The following USP11 variants were observed in gnomAD, a reference collection of about 807,000 sequenced individuals.
USP11 encodes ubiquitin specific peptidase 11, also known as ubiquitin carboxyl-terminal hydrolase 11.
A neutral mutation model predicts 72.8 loss-of-function variants in USP11; 5 were observed. The observed-to-expected ratio is 0.07, with a 90% CI of 0.04 to 0.14. USP11 has a LOEUF of 0.14. Among genes scored for constraint, USP11 ranks in the 10% least tolerant of loss-of-function variants. The pLI, the probability that USP11 is intolerant of heterozygous loss-of-function variation, is 1.00. For missense variants in USP11, 480 were observed against 794.7 expected (o/e 0.60, Z 4.76); for synonymous variants, 368 against 326.5 (o/e 1.13, Z -1.37).
At chrX:47,243,998 C>T (rs1352467396) in intron 13 of USP11, among the ~76,000 whole-genome samples, 2 of 111,018 alleles carry the variant, frequency 1.8e-5, no homozygotes, top group Non-Finnish European at 3.8e-5. Flanking sequence ...ATTTTGCATT[C>T]AAAAGTCATT....
At chrX:47,239,711 G>A in intron 3 of USP11, 79 bp from the exon 4 acceptor site, 1 of 1,052,463 alleles carries the variant, frequency 9.5e-7, no homozygotes. Context: ...AAGGCAGAGT[G>A]TGTGCTCCTC....
rs2147350755 is a variant in USP11, at chrX:47,239,473, G to C, written c.409G>C (p.Glu137Gln). ...YGLEHGQPPI[E>Q]RKVIELPNIQ... ...TCTAGAGCATGGCCAGCCACCCATTGAACGCAAGGTATAATGGATGGGGAG... is the reference window on the plus strand; with the variant it reads ...TCTAGAGCATGGCCAGCCACCCATTCAACGCAAGGTATAATGGATGGGGAG... The change falls in exon 3 of 21, where the codon GAA becomes CAA. Residue 137 changes from glutamate (E) to glutamine (Q), a missense_variant. Glu to Gln is a conservative substitution (Grantham distance 29). Transcript: ENST00000377107. 1 of 1,211,381 alleles carries C rather than the reference G, an allele frequency of 8.3e-7. No individual in the cohort carries two copies. Among genetic ancestry groups the C allele is most frequent in the East Asian group, 3.0e-5 (1 of 33,849 alleles).
chrX:47,242,048 C>G (rs370353378), intron 9 of USP11, 34 bp from the exon 10 acceptor site: 2 of 1,188,862 alleles, frequency 1.7e-6, no homozygotes, highest in Admixed American at 2.3e-5. Context: ...TTACCCTGGG[C>G]AAGCCCCACC....
At position 47,248,060 on chromosome X, in the gene USP11, C is replaced by T. The variant is rs1410115235; in HGVS notation, c.*130C>T. 1 of 938,746 alleles carries T rather than the reference C, an allele frequency of 1.1e-6. No individual in the cohort carries two copies. Among genetic ancestry groups the T allele is most frequent in the Non-Finnish European group, 1.4e-6 (1 of 703,108 alleles). 77.4% of individuals were successfully genotyped at this position (938,746 alleles called of 1,213,427 possible). A position where few individuals can be genotyped will look rare whatever the true frequency, so the allele number is the denominator to read the frequency against. On this transcript the variant is annotated 3_prime_UTR_variant, in exon 21 of 21. Transcript: ENST00000377107. Reference sequence around the variant, plus strand: ...GGCATTGCAGGCTTAGTCGTGGCTACTGTTCTCCTGTGCCGCTGCATCGCT... The same window carrying T: ...GGCATTGCAGGCTTAGTCGTGGCTATTGTTCTCCTGTGCCGCTGCATCGCT...
chrX:47,248,226 G>C lies in USP11; in HGVS notation c.*296G>C. ...CTCCTCAGCCCAGAGTGTTCTGCGT[G>C]GGTGGTGATGGGGGTTCACCTGAAC... On this transcript the variant is annotated 3_prime_UTR_variant, in exon 21 of 21. Coordinates refer to ENST00000377107, the MANE Select transcript of USP11 (RefSeq NM_001371072.1). 3.3e-6 allele frequency: 1 copy of C among 306,969 alleles called. No homozygotes were observed. The highest frequency in any genetic ancestry group is 5.6e-6 in the Non-Finnish European group (1 of 177,698). 25.3% of individuals were successfully genotyped at this position (306,969 alleles called of 1,213,427 possible).
intron 17 of USP11, 120 bp from the exon 18 acceptor site, chrX:47,246,952 T>G (rs890669665): frequency 1.1e-6 from 1 of 927,657 alleles, no homozygotes. Context: ...ACCCAGGAGG[T>G]GGAGGCTGCA....
intron 16 of USP11, 136 bp from the exon 17 acceptor site, chrX:47,245,234 C>T (rs942739598): frequency 9.0e-5 from 84 of 930,200 alleles, no homozygotes; most frequent in Non-Finnish European, 1.2e-4. Context: ...CTGAGAGCTC[C>T]AGGGCCTGAG....
intron 1 of USP11, among the ~76,000 whole-genome samples, chrX:47,237,945 A>G (rs920378632): frequency 1.8e-5 from 2 of 110,687 alleles, no homozygotes; most frequent in Non-Finnish European, 3.8e-5. Flanking sequence ...GTATTTTCCA[A>G]ACTTCAGGAT....
intron 13 of USP11, 119 bp downstream of exon 13, chrX:47,243,721 G>A: frequency 1.4e-6 from 1 of 715,694 alleles, no homozygotes; most frequent in South Asian, 2.8e-5. Flanking sequence ...ACTTAACATG[G>A]CCATAGAAGA....
intron 1 of USP11, among the ~76,000 whole-genome samples, chrX:47,237,775 GGTGTGTGTGTATGT>G (rs56291790): frequency 0.45 from 44,875 of 98,677 alleles, 8,767 homozygotes; most frequent in Non-Finnish European, 0.6. Context: ...CAGCAGAACA[GGTGTGTGTGTATGT>G]GTGTGTGTGT....
rs771833521 is a variant in USP11, at chrX:47,240,566, CT to C, written c.682-18del. 1 of 1,211,399 alleles carries C rather than the reference CT, an allele frequency of 8.3e-7. No homozygotes were observed. Among genetic ancestry groups the C allele is most frequent in the Non-Finnish European group, 1.1e-6 (1 of 895,246 alleles). On this transcript the variant is annotated intron_variant, in intron 5 of 20. Transcript: ENST00000377107. ...ATGTCCTCCATTAATACCTTTCCTT[CT>C]TTCTCTTTCTCCAACCCAGTTGATC...
chrX:47,247,600 T>A lies in USP11; in HGVS notation c.2537-11T>A. ...GAAGGGTAGGCGAGGATAACTCTCC[T>A]TCCCTTTCAGACACAACATTTGCCT... On this transcript the variant is annotated splice_polypyrimidine_tract_variant and intron_variant, in intron 19 of 20. Coordinates refer to ENST00000377107, the MANE Select transcript of USP11 (RefSeq NM_001371072.1). The A allele has an allele frequency of 8.3e-7, 1 of 1,210,777 alleles. No homozygotes were observed. Among genetic ancestry groups the A allele is most frequent in the Non-Finnish European group, 1.1e-6 (1 of 894,901 alleles).
chrX:47,238,187 C>CTTTTT (rs756979418), intron 1 of USP11, among the ~76,000 whole-genome samples: 7 of 84,356 alleles, frequency 8.3e-5, no homozygotes, highest in Admixed American at 1.3e-4. Context: ...ATATGCAGTT[C>CTTTTT]TTTTTTTTTT....
In USP11 at chrX:47,248,118, C is replaced by CT. The variant is rs920478557; in HGVS notation, c.*189dup. On this transcript the variant is annotated 3_prime_UTR_variant, in exon 21 of 21. Coordinates refer to ENST00000377107, the MANE Select transcript of USP11 (RefSeq NM_001371072.1). ...GGGAAAGAACAGGTCGTGTCTCCTC[C>CT]TAGCAGTGCGCGCCCCGCCTGTGTT... 100 of 623,468 alleles carry CT rather than the reference C, an allele frequency of 1.6e-4. No homozygotes were observed. The highest frequency in any genetic ancestry group is 6.1e-4 in the Admixed American group (14 of 22,975). The allele number at this position is 623,468 out of a possible 1,213,427, so 51.4% of individuals were successfully genotyped here. A position where few individuals can be genotyped will look rare whatever the true frequency, so the allele number is the denominator to read the frequency against.
At chrX:47,235,783 G>A (rs186078498) in intron 1 of USP11, among the ~76,000 whole-genome samples, 1 of 111,065 alleles carries the variant, frequency 9.0e-6, no homozygotes, top group African/African-American at 3.3e-5. Flanking sequence ...TTCCAAATCG[G>A]GAATACAAAC....
chrX:47,242,068 G>A lies in USP11; in HGVS notation c.1180-14G>A. 1 of 1,205,385 alleles carries A rather than the reference G, an allele frequency of 8.3e-7. No homozygotes were observed. Among genetic ancestry groups the A allele is most frequent in the South Asian group, 1.8e-5 (1 of 56,025 alleles). On this transcript the variant is annotated splice_polypyrimidine_tract_variant and intron_variant, in intron 9 of 20. Coordinates refer to ENST00000377107, the MANE Select transcript of USP11 (RefSeq NM_001371072.1). ...CTGGGCAAGCCCCACCACCCACCAT[G>A]ACACTATCAACAGGAGGTGGCACAG... is the stretch of plus-strand genomic sequence containing the variant.
Position 47,240,871 on chromosome X carries a change from C to T in USP11, c.841C>T (p.Leu281=). ...CAACACGTGCTTCATGAACTCGGCC[C>T]TGCAGGTTGGGCCATTATAGTTGTG... is the stretch of plus-strand genomic sequence containing the variant. The part of the protein sequence containing the change: ...LGNTCFMNSA[L]QCLSNVPQLT... Residue 281 remains leucine, a synonymous_variant, in exon 7 of 21, where the codon CTG becomes TTG. Coordinates refer to ENST00000377107, the MANE Select transcript of USP11 (RefSeq NM_001371072.1). The T allele has an allele frequency of 8.3e-7, 1 of 1,208,195 alleles. No individual in the cohort carries two copies.
In USP11 at chrX:47,242,264, G is replaced by T; in HGVS notation, c.1362G>T (p.Glu454Asp). The change falls in exon 10 of 21, where the codon GAG becomes GAT. Residue 454 changes from glutamate (E) to aspartate (D), a missense_variant. Physicochemically the swap from Glu to Asp is conservative, Grantham distance 45. Transcript: ENST00000377107. ...CTATCAGCCACAAGAGGGTCTTGGAGGTCTTCTTTATCCCCATGGATCCGC... is the reference window on the plus strand; with the variant it reads ...CTATCAGCCACAAGAGGGTCTTGGATGTCTTCTTTATCCCCATGGATCCGC... ...PLPISHKRVLEVFFIPMDPRR... is the reference protein window; with the variant it reads ...PLPISHKRVLDVFFIPMDPRR... 1 of 1,212,149 alleles carries T rather than the reference G, an allele frequency of 8.2e-7. No homozygotes were observed. The highest frequency in any genetic ancestry group is 1.1e-6 in the Non-Finnish European group (1 of 895,585).
intron 17 of USP11, 28 bp from the exon 18 acceptor site, chrX:47,247,044 C>G: frequency 8.5e-7 from 1 of 1,174,885 alleles, no homozygotes; most frequent in Non-Finnish European, 1.1e-6. Context: ...AGAAAAAGTC[C>G]GTTTGCTGAC....
Sources: gnomAD v4.1 joint callset for allele counts (sites outside exome capture counted in the v4.1 genomes callset) on GRCh38, gnomAD v4.1.1 for gene constraint, MANE v1.5 for transcripts, NCBI Gene and HGNC (gene_info 2026-07-23, HGNC 2026-07-21) for gene names.